Variants in NXPH1 observed in about 807,000 individuals in gnomAD.
The protein encoded by NXPH1 is neurexophilin-1.
NXPH1 carries 5 observed loss-of-function variants against 23.7 expected under a neutral mutation model. The ratio of observed to expected loss-of-function variants is 0.21; its 90% CI spans 0.11 to 0.44. The LOEUF is 0.44. Among genes scored for constraint, NXPH1 ranks in the 20% least tolerant of loss-of-function variants. The pLI is 0.99. For missense variants in NXPH1, 324 were observed against 321.6 expected, an observed-to-expected ratio of 1.01 and a Z score of -0.06; for synonymous variants, 144 against 122.2, an observed-to-expected ratio of 1.18 and a Z score of -1.18.
intron 2 of NXPH1, among the ~76,000 whole-genome samples, chr7:8,571,463 G>A (rs955556949): frequency 7.9e-5 from 12 of 151,850 alleles, no homozygotes; most frequent in African/African-American, 2.9e-4. Flanking sequence ...TCATTTTATT[G>A]CATATTAAGC....
At chr7:8,455,566 C>G (rs1448365446) in intron 2 of NXPH1, among the ~76,000 whole-genome samples, 1 of 152,206 alleles carries the variant, frequency 6.6e-6, no homozygotes, top group Non-Finnish European at 1.5e-5. Flanking sequence ...TGTACACCAT[C>G]TGCACAGCCT....
At chr7:8,692,573 T>G (rs188798684) in intron 2 of NXPH1, among the ~76,000 whole-genome samples, 1 of 152,300 alleles carries the variant, frequency 6.6e-6, no homozygotes, top group East Asian at 1.9e-4. Context: ...CTATACTACT[T>G]TTTTCCTGTT....
intron 2 of NXPH1, among the ~76,000 whole-genome samples, chr7:8,541,567 G>A (rs1036602446): frequency 6.6e-6 from 1 of 151,600 alleles, no homozygotes; most frequent in Non-Finnish European, 1.5e-5. Flanking sequence ...AATATAAAGA[G>A]GGAAGGGCAT....
intron 2 of NXPH1, among the ~76,000 whole-genome samples, chr7:8,498,585 G>A (rs1817378260): frequency 6.6e-6 from 1 of 151,864 alleles, no homozygotes; most frequent in African/African-American, 2.4e-5. Context: ...TTTTCATATT[G>A]AAAATAGTCT....
chr7:8,517,045 A>C (rs926874010), intron 2 of NXPH1, among the ~76,000 whole-genome samples: 2 of 152,172 alleles, frequency 1.3e-5, no homozygotes, highest in Non-Finnish European at 2.9e-5. Context: ...GGATTGATCC[A>C]ATCCACAAAT....
chr7:8,443,124 G>C (rs1049887602), intron 2 of NXPH1, among the ~76,000 whole-genome samples: 5 of 152,190 alleles, frequency 3.3e-5, no homozygotes, highest in Non-Finnish European at 5.9e-5. Flanking sequence ...TCGCGACTGT[G>C]ACGACCCGCC....
At chr7:8,662,556 G>A (rs1279308482) in intron 2 of NXPH1, among the ~76,000 whole-genome samples, 1 of 152,068 alleles carries the variant, frequency 6.6e-6, no homozygotes, top group South Asian at 2.1e-4. Context: ...TTTTATGTAG[G>A]TATTTTTTTT....
rs566557644 is a variant in NXPH1, at chr7:8,665,043, G to A, written c.55-85965G>A. 2.7e-5 allele frequency among the ~76,000 whole-genome samples: 4 copies of A among 150,534 alleles called. No individual in the cohort carries two copies. In the South Asian group the frequency reaches 8.5e-4, roughly 32 times the overall value. ...TATATGTTATGTAATCCAATTGTCT[G>A]TTTTCACTATTGTTACCTGTGCATC... is the stretch of plus-strand genomic sequence containing the variant. On this transcript the variant is annotated intron_variant, in intron 2 of 2. Transcript: ENST00000405863.
chr7:8,687,571 T>C (rs1005287019), intron 2 of NXPH1, among the ~76,000 whole-genome samples: 1 of 152,176 alleles, frequency 6.6e-6, no homozygotes, highest in African/African-American at 2.4e-5. Context: ...TGAACATGCA[T>C]GGGTACAAAA....
intron 2 of NXPH1, among the ~76,000 whole-genome samples, chr7:8,463,663 A>G (rs1180485103): frequency 6.6e-6 from 1 of 151,964 alleles, no homozygotes; most frequent in Non-Finnish European, 1.5e-5. Context: ...AATTATTTGC[A>G]TTTACTTAAT....
At chr7:8,680,050 G>C (rs903333116) in intron 2 of NXPH1, among the ~76,000 whole-genome samples, 2 of 152,206 alleles carry the variant, frequency 1.3e-5, no homozygotes, top group African/African-American at 4.8e-5. Context: ...TGAAACCCTA[G>C]TATGTTTTCA....
At chr7:8,466,166 A>C (rs1816783335) in intron 2 of NXPH1, among the ~76,000 whole-genome samples, 1 of 152,236 alleles carries the variant, frequency 6.6e-6, no homozygotes, top group South Asian at 2.1e-4. Flanking sequence ...AAAAGGATTA[A>C]TGAGTTAAAG....
intron 2 of NXPH1, among the ~76,000 whole-genome samples, chr7:8,448,665 A>C (rs1563313155): frequency 6.6e-6 from 1 of 152,242 alleles, no homozygotes; most frequent in East Asian, 1.9e-4. Context: ...AAAATACAAA[A>C]AACGAGCCGG....
intron 2 of NXPH1, among the ~76,000 whole-genome samples, chr7:8,587,850 G>A (rs1819010969): frequency 6.6e-6 from 1 of 152,106 alleles, no homozygotes; most frequent in South Asian, 2.1e-4. Context: ...ATTCCATGGT[G>A]TATATGTGTC....
intron 2 of NXPH1, among the ~76,000 whole-genome samples, chr7:8,524,893 G>C (rs975058647): frequency 1.3e-5 from 2 of 152,256 alleles, no homozygotes. Context: ...CCCAGTCTCA[G>C]ATATGTCTTT....
At chr7:8,547,118 A>G (rs1262803343) in intron 2 of NXPH1, among the ~76,000 whole-genome samples, 1 of 151,418 alleles carries the variant, frequency 6.6e-6, no homozygotes, top group African/African-American at 2.4e-5. Flanking sequence ...TTAAGGTCCA[A>G]CTAAATGTAA....
At chr7:8,558,910 C>T (rs553492354) in intron 2 of NXPH1, among the ~76,000 whole-genome samples, 1 of 147,448 alleles carries the variant, frequency 6.8e-6, no homozygotes, top group Admixed American at 6.6e-5. Flanking sequence ...GTATAGTGAA[C>T]TGCAGGAAAA....
At chr7:8,655,107 G>A (rs1820552473) in intron 2 of NXPH1, among the ~76,000 whole-genome samples, 1 of 152,088 alleles carries the variant, frequency 6.6e-6, no homozygotes, top group Non-Finnish European at 1.5e-5. Flanking sequence ...ACAGGTGGCT[G>A]GGCGAAGTAG....
At chr7:8,697,097 G>C (rs1779540596) in intron 2 of NXPH1, among the ~76,000 whole-genome samples, 1 of 146,748 alleles carries the variant, frequency 6.8e-6, no homozygotes, top group Admixed American at 6.9e-5. Context: ...GGCAGAGTTT[G>C]CAGTGAGCTG....
Sources: gnomAD v4.1 joint callset for allele counts (sites outside exome capture counted in the v4.1 genomes callset) on GRCh38, gnomAD v4.1.1 for gene constraint, MANE v1.5 for transcripts, NCBI Gene and HGNC (gene_info 2026-07-23, HGNC 2026-07-21) for gene names.